GPATCH2: variants seen among roughly 807,000 people sequenced by gnomAD.
GPATCH2 encodes the protein G patch domain-containing protein 2.
GPATCH2 carries 51 observed loss-of-function variants against 58.0 expected under a neutral mutation model. The observed-to-expected ratio is 0.88, with a 90% CI of 0.70 to 1.11. The LOEUF is 1.11. Among genes scored for constraint, GPATCH2 ranks in the 50% most tolerant of loss-of-function variants. GPATCH2 has a pLI of 0.00. For missense variants in GPATCH2, 625 were observed against 652.2 expected, an observed-to-expected ratio of 0.96 and a Z score of 0.45; for synonymous variants, 222 against 218.5, an observed-to-expected ratio of 1.02 and a Z score of -0.14.
At chr1:217,536,937 A>C (rs1375642137) in intron 5 of GPATCH2, among the ~76,000 whole-genome samples, 1 of 152,124 alleles carries the variant, frequency 6.6e-6, no homozygotes, top group Non-Finnish European at 1.5e-5. Flanking sequence ...GTGCCACTGC[A>C]CTCCAGCCTG....
At chr1:217,486,771 C>T (rs913115507) in intron 8 of GPATCH2, among the ~76,000 whole-genome samples, 3 of 152,202 alleles carry the variant, frequency 2.0e-5, no homozygotes, top group African/African-American at 4.8e-5. Context: ...AAACCACAGT[C>T]ATCACACCCC....
rs571221525 is a variant in GPATCH2, at chr1:217,476,166, A to T, written c.1277+15514T>A. Among the ~76,000 whole-genome samples the T allele has an allele frequency of 2.0e-5, 3 of 152,300 alleles. No homozygotes were observed. The South Asian group carries it at 6.2e-4, about 32-fold the overall frequency. ...TATATCTGTGAATATCTACACAGAT[A>T]ATCATATTAATGAAAACAATGGATA... On this transcript the variant is annotated intron_variant, in intron 8 of 9. Coordinates refer to ENST00000366935, the MANE Select transcript of GPATCH2 (RefSeq NM_018040.5).
At chr1:217,615,939 C>T (rs954697883) in intron 2 of GPATCH2, among the ~76,000 whole-genome samples, 1 of 152,070 alleles carries the variant, frequency 6.6e-6, no homozygotes, top group Non-Finnish European at 1.5e-5. Flanking sequence ...ATTCTACATA[C>T]AGCCAGGTTC....
chr1:217,531,711 A>G (rs1460293559), intron 5 of GPATCH2, among the ~76,000 whole-genome samples: 32 of 152,190 alleles, frequency 2.1e-4, no homozygotes, highest in Admixed American at 2.1e-3. Flanking sequence ...AGTTGGTGAA[A>G]ACAGAGGAAA....
chr1:217,431,473 C>A, intron 9 of GPATCH2, 108 bp from the exon 10 acceptor site: 1 of 713,930 alleles, frequency 1.4e-6, no homozygotes, highest in Non-Finnish European at 2.5e-6. Flanking sequence ...GTTTTTCAAC[C>A]AGGTACTAGA....
chr1:217,515,252 C>T (rs1315105169), intron 5 of GPATCH2, among the ~76,000 whole-genome samples: 1 of 151,946 alleles, frequency 6.6e-6, no homozygotes, highest in African/African-American at 2.4e-5. Context: ...CCCGCCACCA[C>T]GCCCGGCTAA....
chr1:217,567,874 T>G (rs1047997437), intron 5 of GPATCH2, among the ~76,000 whole-genome samples: 27 of 152,312 alleles, frequency 1.8e-4, no homozygotes, highest in African/African-American at 5.8e-4. Context: ...CCCAGCAATT[T>G]GGGAGGCCAA....
chr1:217,473,060 G>A (rs1660802843), intron 8 of GPATCH2, among the ~76,000 whole-genome samples: 1 of 152,198 alleles, frequency 6.6e-6, no homozygotes, highest in Admixed American at 6.5e-5. Context: ...CAGCTTTCCT[G>A]AGCCTTGGGA....
intron 8 of GPATCH2, among the ~76,000 whole-genome samples, chr1:217,455,259 G>C (rs1370968523): frequency 1.3e-5 from 2 of 152,048 alleles, no homozygotes. Flanking sequence ...TAATTGCCTT[G>C]ACCTCCTAGA....
chr1:217,630,524 G>T (rs1669699099), intron 1 of GPATCH2, among the ~76,000 whole-genome samples: 1 of 152,024 alleles, frequency 6.6e-6, no homozygotes, highest in Non-Finnish European at 1.5e-5. Context: ...TAGATTTCTG[G>T]AATTTATCTT....
intron 5 of GPATCH2, among the ~76,000 whole-genome samples, chr1:217,605,182 C>A (rs916107275): frequency 6.6e-6 from 1 of 152,186 alleles, no homozygotes; most frequent in Non-Finnish European, 1.5e-5. Flanking sequence ...CCACTCATGT[C>A]ATCCTGGTTT....
chr1:217,564,574 T>C (rs970233522), intron 5 of GPATCH2, among the ~76,000 whole-genome samples: 1 of 152,222 alleles, frequency 6.6e-6, no homozygotes, highest in African/African-American at 2.4e-5. Flanking sequence ...GAAAACATAC[T>C]CAAAATGCAA....
intron 3 of GPATCH2, among the ~76,000 whole-genome samples, chr1:217,612,249 G>A (rs764491763): frequency 1.4e-4 from 22 of 151,944 alleles, no homozygotes; most frequent in Non-Finnish European, 5.9e-5. Context: ...GATGATCTGC[G>A]ATTCATTAAA....
At chr1:217,609,654 G>A in intron 5 of GPATCH2, 1 of 975,840 alleles carries the variant, frequency 1.0e-6, no homozygotes, top group Non-Finnish European at 1.2e-6. Flanking sequence ...AAAATACCCT[G>A]AGTAAAATGC....
At chr1:217,486,746 G>A (rs1461864048) in intron 8 of GPATCH2, among the ~76,000 whole-genome samples, 3 of 152,162 alleles carry the variant, frequency 2.0e-5, no homozygotes, top group East Asian at 3.9e-4. Context: ...AGAGTGGAGA[G>A]GCTCTGGCAC....
At chr1:217,573,480 C>G (rs187729046) in intron 5 of GPATCH2, among the ~76,000 whole-genome samples, 1 of 152,148 alleles carries the variant, frequency 6.6e-6, no homozygotes, top group African/African-American at 2.4e-5. Context: ...TGAATGTCAT[C>G]CCCTTTCTCC....
At chr1:217,471,408 T>G (rs1309573263) in intron 8 of GPATCH2, among the ~76,000 whole-genome samples, 1 of 152,172 alleles carries the variant, frequency 6.6e-6, no homozygotes, top group Non-Finnish European at 1.5e-5. Flanking sequence ...TTGGCAAACC[T>G]GCAAAATGAC....
At chr1:217,530,863 A>G (rs1325953460) in intron 5 of GPATCH2, among the ~76,000 whole-genome samples, 1 of 152,220 alleles carries the variant, frequency 6.6e-6, no homozygotes, top group African/African-American at 2.4e-5. Flanking sequence ...GAGTTAAAAT[A>G]AAACACAGAA....
chr1:217,462,492 C>T (rs1025087974), intron 8 of GPATCH2, among the ~76,000 whole-genome samples: 42 of 151,648 alleles, frequency 2.8e-4, no homozygotes, highest in African/African-American at 9.5e-4. Flanking sequence ...TTTTAAATGG[C>T]ATAGAAATAA....
Sources: gnomAD v4.1 joint callset for allele counts (sites outside exome capture counted in the v4.1 genomes callset) on GRCh38, gnomAD v4.1.1 for gene constraint, MANE v1.5 for transcripts, NCBI Gene and HGNC (gene_info 2026-07-23, HGNC 2026-07-21) for gene names.